The following XYLT1 variants were observed in gnomAD, a reference collection of about 807,000 sequenced individuals.
XYLT1 encodes xylosyltransferase 1.
Under a neutral mutation model 91.3 loss-of-function variants are expected in XYLT1, and 36 were observed. The observed-to-expected ratio is 0.39, with a 90% confidence interval of 0.30 to 0.52. The LOEUF is 0.52. Ranked by LOEUF, XYLT1 falls within the 20% of genes least tolerant of loss-of-function variation. XYLT1 has a pLI of 0.68. For missense variants in XYLT1, 1,242 were observed against 1,284.5 expected (o/e 0.97, Z 0.51); for synonymous variants, 588 against 532.0 (o/e 1.11, Z -1.45).
At chr16:17,402,912 A>C (rs2035987617) in intron 1 of XYLT1, among the ~76,000 whole-genome samples, 1 of 151,780 alleles carries the variant, frequency 6.6e-6, no homozygotes, top group Admixed American at 6.6e-5. Context: ...GCTATTTTAA[A>C]AATTTTTTGT....
At chr16:17,446,887 G>A (rs980777984) in intron 1 of XYLT1, among the ~76,000 whole-genome samples, 1 of 147,770 alleles carries the variant, frequency 6.8e-6, no homozygotes, top group African/African-American at 2.7e-5. Context: ...TCAAGTGCGG[G>A]GGACTGCAGC....
intron 2 of XYLT1, among the ~76,000 whole-genome samples, chr16:17,271,257 G>A (rs1253119760): frequency 2.0e-5 from 3 of 152,130 alleles, no homozygotes; most frequent in Non-Finnish European, 4.4e-5. Flanking sequence ...GCATTCCATT[G>A]CGTTATTCCA....
At chr16:17,272,838 A>C (rs991598763) in intron 2 of XYLT1, among the ~76,000 whole-genome samples, 1 of 152,120 alleles carries the variant, frequency 6.6e-6, no homozygotes, top group African/African-American at 2.4e-5. Flanking sequence ...CTACCTCCTG[A>C]GCTTTGCCTC....
chr16:17,333,848 A>G (rs1472622182), intron 2 of XYLT1, among the ~76,000 whole-genome samples: 1 of 152,032 alleles, frequency 6.6e-6, no homozygotes, highest in African/African-American at 2.4e-5. Flanking sequence ...TCGGCCTCCC[A>G]AAGTGCTGGG....
intron 3 of XYLT1, among the ~76,000 whole-genome samples, chr16:17,229,156 G>A (rs2033118447): frequency 6.6e-6 from 1 of 152,068 alleles, no homozygotes; most frequent in Admixed American, 6.6e-5. Context: ...TTTTTGTACA[G>A]ATCTGTTTGG....
chr16:17,298,002 C>T (rs1204930883), intron 2 of XYLT1, among the ~76,000 whole-genome samples: 2 of 149,630 alleles, frequency 1.3e-5, no homozygotes, highest in South Asian at 2.1e-4. Context: ...GCCTGGGCGA[C>T]GAGCGAGACT....
intron 1 of XYLT1, among the ~76,000 whole-genome samples, chr16:17,368,279 C>T (rs558578770): frequency 4.9e-4 from 75 of 152,222 alleles, no homozygotes; most frequent in Middle Eastern, 3.4e-3. Context: ...CTGCAGGGGA[C>T]GGATGGGCCT....
intron 2 of XYLT1, among the ~76,000 whole-genome samples, chr16:17,320,772 AT>A (rs1057476506): frequency 9.6e-5 from 12 of 124,902 alleles, no homozygotes; most frequent in African/African-American, 3.7e-4. Context: ...GAGCCACCGC[AT>A]CTGGCCGACC....
chr16:17,219,630 A>G (rs2141607649), intron 3 of XYLT1, among the ~76,000 whole-genome samples: 1 of 152,202 alleles, frequency 6.6e-6, no homozygotes, highest in Middle Eastern at 3.4e-3. Flanking sequence ...GGCTCCTGAG[A>G]ATACTTTTCT....
chr16:17,259,258 C>T lies in XYLT1; in HGVS notation c.643G>A (p.Glu215Lys). The change falls in exon 3 of 12, where the codon GAG (glutamate) becomes AAG (lysine). Residue 215 changes from glutamate to lysine, a missense_variant. Coordinates refer to ENST00000261381, the MANE Select transcript of XYLT1 (RefSeq NM_022166.4). ...GCTCTGTCCCCGGGAGGCAGCACCT[C>T]ACCGGGGCCTTTCCCAGGGAATGTA... ...GHTFPGKGPG[E>K]VLPPGDRAAA... 6.2e-7 allele frequency: 1 copy of T among 1,614,112 alleles called. No individual in the cohort carries two copies. The highest frequency in any genetic ancestry group is 1.3e-5 in the African/African-American group (1 of 75,044).
chr16:17,135,500 A>G (rs554393509), intron 8 of XYLT1, among the ~76,000 whole-genome samples: 2 of 151,696 alleles, frequency 1.3e-5, no homozygotes, highest in Non-Finnish European at 2.9e-5. Context: ...AGCCTGGGTG[A>G]CAGAACAAGA....
intron 9 of XYLT1, among the ~76,000 whole-genome samples, chr16:17,131,110 T>TAACA (rs1399082841): frequency 6.6e-6 from 1 of 152,154 alleles, no homozygotes; most frequent in Non-Finnish European, 1.5e-5. Context: ...TCTCCGTGCC[T>TAACA]AACACACAGG....
intron 3 of XYLT1, among the ~76,000 whole-genome samples, chr16:17,241,945 C>T (rs1567337968): frequency 6.6e-6 from 1 of 152,164 alleles, no homozygotes; most frequent in Non-Finnish European, 1.5e-5. Flanking sequence ...CGGGGAAGAC[C>T]TCACAAGTAT....
intron 1 of XYLT1, among the ~76,000 whole-genome samples, chr16:17,456,636 C>T (rs939098151): frequency 2.0e-5 from 3 of 152,164 alleles, no homozygotes; most frequent in African/African-American, 7.2e-5. Flanking sequence ...CCACCACGCC[C>T]GGCAACAGTA....
rs143951832 is a variant in XYLT1 at position 17,219,826 on chromosome 16, C to T, written c.914-19172G>A. ...GGTGGATCATTTGAGGTCAGGAGTT[C>T]GAGACCAGCCTGATCAACATGGTGA... On this transcript the variant is annotated intron_variant, in intron 3 of 11. Coordinates refer to ENST00000261381, the MANE Select transcript of XYLT1 (RefSeq NM_022166.4). 6.5e-3 allele frequency among the ~76,000 whole-genome samples: 985 copies of T among 152,048 alleles called. 40 individuals carry two copies. The highest frequency in any genetic ancestry group is 0.055 in the Admixed American group (847 of 15,270).
intron 1 of XYLT1, among the ~76,000 whole-genome samples, chr16:17,449,906 CT>C (rs2036643088): frequency 6.6e-6 from 1 of 152,210 alleles, no homozygotes. Context: ...CTCATCTGAT[CT>C]TTCAGGCAAT....
intron 1 of XYLT1, among the ~76,000 whole-genome samples, chr16:17,431,054 C>G (rs1002147211): frequency 1.3e-5 from 2 of 152,142 alleles, no homozygotes; most frequent in African/African-American, 2.4e-5. Flanking sequence ...CAAGCATTTT[C>G]TGTAAAGATC....
chr16:17,456,312 A>C (rs1417281628), intron 1 of XYLT1, among the ~76,000 whole-genome samples: 1 of 149,826 alleles, frequency 6.7e-6, no homozygotes, highest in Non-Finnish European at 1.5e-5. Context: ...CCATCTTTGC[A>C]GCAGGCAAAC....
At chr16:17,233,318 T>C (rs2033196692) in intron 3 of XYLT1, among the ~76,000 whole-genome samples, 1 of 152,190 alleles carries the variant, frequency 6.6e-6, no homozygotes, top group African/African-American at 2.4e-5. Context: ...GCACTGCCCA[T>C]CCTGCTTGAA....
Sources: allele counts gnomAD v4.1 joint callset (sites outside exome capture counted in the v4.1 genomes callset), GRCh38; gene constraint gnomAD v4.1.1; transcripts MANE v1.5; gene names NCBI Gene and HGNC (gene_info 2026-07-23, HGNC 2026-07-21).